The following SYT17 variants were observed in gnomAD, a reference collection of about 807,000 sequenced individuals.
SYT17 encodes the protein synaptotagmin-17.
Under a neutral mutation model 46.7 loss-of-function variants are expected in SYT17, and 22 were observed. That is an observed-to-expected ratio of 0.47 (90% confidence interval 0.34 to 0.67). The LOEUF is 0.67. SYT17 is among the 30% of genes least tolerant of loss of function. The pLI, the probability that SYT17 is intolerant of heterozygous loss-of-function variation, is 0.01. For missense variants in SYT17, 519 were observed against 612.8 expected (o/e 0.85, Z 1.62); for synonymous variants, 251 against 248.4 (o/e 1.01, Z -0.10).
rs77372148 is a variant in SYT17, at chr16:19,185,959, T to C, written c.951+1812T>C. 1.5e-3 allele frequency among the ~76,000 whole-genome samples: 235 copies of C among 152,314 alleles called. 1 individual carries two copies. Among genetic ancestry groups the C allele is most frequent in the African/African-American group, 5.5e-3 (228 of 41,580 alleles). On this transcript the variant is annotated intron_variant, in intron 5 of 7. Coordinates refer to ENST00000355377, the MANE Select transcript of SYT17 (RefSeq NM_016524.4). ...GGCGGGGAGTGTTCCCGTTCACTCC[T>C]GATGCTGAGCCTTCTTGCGGTAGAG...
chr16:19,225,696 G>C lies in SYT17; in HGVS notation c.1228+858G>C, dbSNP rs138561207. Reference sequence around the variant, plus strand: ...TTCAGCATGATTTAGTTCCCTGCAGGCTGTTGAACTGGGGACCTCAGTTCC... The same window carrying C: ...TTCAGCATGATTTAGTTCCCTGCAGCCTGTTGAACTGGGGACCTCAGTTCC... On this transcript the variant is annotated intron_variant, in intron 7 of 7. Transcript: ENST00000355377. Among the ~76,000 whole-genome samples, 426 of 152,278 alleles carry C rather than the reference G, an allele frequency of 2.8e-3. 2 individuals are homozygous for C. The highest frequency in any genetic ancestry group is 9.5e-3 in the African/African-American group (393 of 41,542).
chr16:19,253,706 C>T (rs1396065277), intron 7 of SYT17, among the ~76,000 whole-genome samples: 1 of 152,030 alleles, frequency 6.6e-6, no homozygotes, highest in African/African-American at 2.4e-5. Context: ...TAGAGTAACA[C>T]CTCTGGACTC....
Position 19,256,876 on chromosome 16 carries a change from C to T in SYT17, c.1229-10004C>T, listed in dbSNP as rs1188800986. On this transcript the variant is annotated intron_variant, in intron 7 of 7. Coordinates refer to ENST00000355377, the MANE Select transcript of SYT17 (RefSeq NM_016524.4). ...TACAGGCATAAGCCACTGTGCTTGG[C>T]CTCTTCTTTTTGAGATAAAGGAAGA... is the stretch of plus-strand genomic sequence containing the variant. Among the ~76,000 whole-genome samples, 6 of 152,108 alleles carry T rather than the reference C, an allele frequency of 3.9e-5. No individual in the cohort carries two copies. The South Asian group carries it at 1.2e-3, about 32-fold the overall frequency.
At chr16:19,180,068 C>T (rs563328180) in intron 3 of SYT17, 3 of 285,370 alleles carry the variant, frequency 1.1e-5, no homozygotes, top group Non-Finnish European at 2.0e-5. Flanking sequence ...AGGTCTCGGG[C>T]TTCACTGAGC....
At chr16:19,189,436 G>T (rs1964927113) in intron 5 of SYT17, among the ~76,000 whole-genome samples, 1 of 151,708 alleles carries the variant, frequency 6.6e-6, no homozygotes, top group African/African-American at 2.4e-5. Flanking sequence ...GAACTCCTGG[G>T]CTCAAGCAAT....
At chr16:19,249,217 T>C (rs1967832117) in intron 7 of SYT17, among the ~76,000 whole-genome samples, 1 of 151,946 alleles carries the variant, frequency 6.6e-6, no homozygotes, top group South Asian at 2.1e-4. Context: ...GAGCTTGCAG[T>C]GAGCTGAGAT....
chr16:19,259,445 A>C (rs1156702545), intron 7 of SYT17, among the ~76,000 whole-genome samples: 1 of 152,192 alleles, frequency 6.6e-6, no homozygotes, highest in Non-Finnish European at 1.5e-5. Flanking sequence ...AGCCCTGTGA[A>C]GGAGGAAAAT....
chr16:19,216,551 G>T (rs925025852), intron 5 of SYT17, among the ~76,000 whole-genome samples: 2 of 151,864 alleles, frequency 1.3e-5, no homozygotes, highest in Non-Finnish European at 2.9e-5. Flanking sequence ...ACCCCCAACA[G>T]ATCCTGGTAT....
chr16:19,179,482 G>A (rs560466441), intron 3 of SYT17, among the ~76,000 whole-genome samples: 1 of 152,018 alleles, frequency 6.6e-6, no homozygotes, highest in Admixed American at 6.6e-5. Flanking sequence ...GCCCAGGCTG[G>A]TCTCAAACTC....
At chr16:19,200,769 A>G (rs1258247181) in intron 5 of SYT17, among the ~76,000 whole-genome samples, 3 of 152,212 alleles carry the variant, frequency 2.0e-5, no homozygotes, top group African/African-American at 7.2e-5. Flanking sequence ...GTTGGCCTCA[A>G]GATGTGTGTA....
chr16:19,177,278 A>C (rs762996960), intron 3 of SYT17, among the ~76,000 whole-genome samples: 10 of 152,178 alleles, frequency 6.6e-5, no homozygotes, highest in Non-Finnish European at 1.5e-4. Context: ...CATGGTGGCC[A>C]TTATGAATGG....
At chr16:19,266,613 A>G (rs1969376489) in intron 7 of SYT17, among the ~76,000 whole-genome samples, 1 of 152,180 alleles carries the variant, frequency 6.6e-6, no homozygotes, top group African/African-American at 2.4e-5. Context: ...GGAACAGCCA[A>G]TGCCAAGGCT....
intron 5 of SYT17, among the ~76,000 whole-genome samples, chr16:19,221,764 A>G (rs1966326868): frequency 6.6e-6 from 1 of 152,238 alleles, no homozygotes; most frequent in Non-Finnish European, 1.5e-5. Context: ...AAAGATAGAT[A>G]ATAGACATAG....
chr16:19,221,905 A>G (rs1046917596), intron 5 of SYT17, among the ~76,000 whole-genome samples: 2 of 152,204 alleles, frequency 1.3e-5, no homozygotes, highest in African/African-American at 4.8e-5. Flanking sequence ...ACTGGGAGTT[A>G]CTTCAGAGGA....
At chr16:19,211,613 T>C (rs113650845) in intron 5 of SYT17, among the ~76,000 whole-genome samples, 2 of 149,088 alleles carry the variant, frequency 1.3e-5, no homozygotes, top group African/African-American at 4.9e-5. Flanking sequence ...TTGGGGCAGG[T>C]ACGATCTTGT....
chr16:19,208,098 A>C (rs1275115163), intron 5 of SYT17, among the ~76,000 whole-genome samples: 5 of 152,196 alleles, frequency 3.3e-5, no homozygotes, highest in Non-Finnish European at 7.3e-5. Context: ...CAATGAAGGC[A>C]AAGAGGGATG....
chr16:19,200,090 G>C (rs983557129), intron 5 of SYT17, among the ~76,000 whole-genome samples: 1 of 152,214 alleles, frequency 6.6e-6, no homozygotes, highest in African/African-American at 2.4e-5. Flanking sequence ...AGAAAGAGAG[G>C]GTGGTATTGA....
rs1282991975 is a variant in SYT17, at chr16:19,192,101, C to CCTCT, written c.951+7957_951+7960dup. Among the ~76,000 whole-genome samples, 8 of 152,308 alleles carry CCTCT rather than the reference C, an allele frequency of 5.3e-5. No homozygotes were observed. In the East Asian group the frequency reaches 1.5e-3, roughly 29 times the overall value. ...CGGCCGCACTGTACAATTCTTTAAG[C>CCTCT]CTCTCTGTATTTGAAAGTGTTGAGA... On this transcript the variant is annotated intron_variant, in intron 5 of 7. Transcript: ENST00000355377.
At chr16:19,192,009 C>A (rs1965041289) in intron 5 of SYT17, among the ~76,000 whole-genome samples, 1 of 152,218 alleles carries the variant, frequency 6.6e-6, no homozygotes, top group African/African-American at 2.4e-5. Flanking sequence ...TGGTCTCAAT[C>A]TTCTGACCTC....
Sources: allele counts gnomAD v4.1 joint callset (sites outside exome capture counted in the v4.1 genomes callset), GRCh38; gene constraint gnomAD v4.1.1; transcripts MANE v1.5; gene names NCBI Gene and HGNC (gene_info 2026-07-23, HGNC 2026-07-21).